The following SUMF1 variants were observed in gnomAD, a reference collection of about 807,000 sequenced individuals.
SUMF1 encodes the protein formylglycine-generating enzyme.
Under a neutral mutation model 47.6 loss-of-function variants are expected in SUMF1, and 48 were observed. The ratio of observed to expected loss-of-function variants is 1.01; its 90% CI spans 0.80 to 1.28. The LOEUF is 1.28. SUMF1 is among the 50% of genes most tolerant of loss of function. SUMF1 has a pLI of 0.00. For missense variants in SUMF1, 571 were observed against 485.4 expected (o/e 1.18, Z -1.66); for synonymous variants, 230 against 192.1 (o/e 1.20, Z -1.63).
intron 8 of SUMF1, among the ~76,000 whole-genome samples, chr3:4,288,571 T>C (rs1216439590): frequency 6.6e-6 from 1 of 152,088 alleles, no homozygotes; most frequent in African/African-American, 2.4e-5. Flanking sequence ...GCTACAAGGC[T>C]GGCAGATCAC....
chr3:4,409,254 T>C (rs1701467070), intron 7 of SUMF1, among the ~76,000 whole-genome samples: 1 of 152,142 alleles, frequency 6.6e-6, no homozygotes, highest in African/African-American at 2.4e-5. Flanking sequence ...TCTAAGGATT[T>C]GGGGTTTAGT....
At position 4,281,696 on chromosome 3, in the gene SUMF1, C is replaced by T. The variant is rs58486481; in HGVS notation, c.1014+94634G>A. On this transcript the variant is annotated intron_variant and NMD_transcript_variant, in intron 8 of 12. Coordinates refer to the SUMF1 transcript ENST00000448413. ...TTAAACAAACTTTTGGGGGAAAAAA[C>T]AGGGGGAAAGGAAAATAAATATATG... 2.4e-3 allele frequency among the ~76,000 whole-genome samples: 359 copies of T among 151,688 alleles called. 3 individuals are homozygous for T. Among genetic ancestry groups the T allele is most frequent in the African/African-American group, 7.9e-3 (327 of 41,350 alleles).
intron 9 of SUMF1, among the ~76,000 whole-genome samples, chr3:4,037,552 G>T (rs929145587): frequency 6.6e-6 from 1 of 152,102 alleles, no homozygotes; most frequent in Non-Finnish European, 1.5e-5. Flanking sequence ...GTCAACTCCT[G>T]TATCATTTTT....
At chr3:4,034,665 A>G (rs1175433731) in intron 9 of SUMF1, among the ~76,000 whole-genome samples, 1 of 152,062 alleles carries the variant, frequency 6.6e-6, no homozygotes, top group Non-Finnish European at 1.5e-5. Context: ...GGCATCAGCA[A>G]ATATTCCGTG....
Position 4,381,396 on chromosome 3 carries a change from C to T in SUMF1, c.955-5007G>A, listed in dbSNP as rs76011796. Among the ~76,000 whole-genome samples, 26 of 152,160 alleles carry T rather than the reference C, an allele frequency of 1.7e-4. 1 individual carries two copies. The highest frequency in any genetic ancestry group is 3.1e-4 in the African/African-American group (13 of 41,506). On this transcript the variant is annotated intron_variant, in intron 7 of 8. Transcript: ENST00000272902. ...CAAATCGGGTGCAGTGTGCACTGCT[C>T]GGGTGGGGGTGCACCAAAATCTCAC...
chr3:4,317,309 T>G (rs980650509), intron 8 of SUMF1: 3 of 1,066,586 alleles, frequency 2.8e-6, no homozygotes. Flanking sequence ...GCAGTTAGTT[T>G]TGCACCAACC....
At chr3:4,144,227 A>G (rs887305709) in intron 8 of SUMF1, among the ~76,000 whole-genome samples, 1 of 152,062 alleles carries the variant, frequency 6.6e-6, no homozygotes, top group Admixed American at 6.5e-5. Flanking sequence ...TCGGTCTCCA[A>G]AAGTGCTGGA....
At chr3:4,252,164 G>C (rs1696817004) in intron 8 of SUMF1, among the ~76,000 whole-genome samples, 1 of 152,128 alleles carries the variant, frequency 6.6e-6, no homozygotes, top group Non-Finnish European at 1.5e-5. Context: ...TGGTTTCTGA[G>C]AACAATTCTA....
chr3:4,081,944 GA>G (rs1692569234), intron 8 of SUMF1, among the ~76,000 whole-genome samples: 1 of 152,028 alleles, frequency 6.6e-6, no homozygotes, highest in African/African-American at 2.4e-5. Flanking sequence ...AACACATACT[GA>G]AAGCCTTAAC....
chr3:4,463,218 G>A (rs1406877301), intron 1 of SUMF1, among the ~76,000 whole-genome samples: 8 of 152,206 alleles, frequency 5.3e-5, no homozygotes, highest in South Asian at 2.1e-4. Flanking sequence ...AGGGCTGGGC[G>A]CGGTGGCTCA....
intron 8 of SUMF1, among the ~76,000 whole-genome samples, chr3:4,163,556 A>C (rs892749220): frequency 6.7e-6 from 1 of 150,232 alleles, no homozygotes; most frequent in South Asian, 2.1e-4. Context: ...TTGTACTGAC[A>C]TCCAGGATAC....
intron 8 of SUMF1, among the ~76,000 whole-genome samples, chr3:4,222,617 T>G (rs1307321454): frequency 6.6e-6 from 1 of 152,066 alleles, no homozygotes; most frequent in African/African-American, 2.4e-5. Context: ...CATCATCATC[T>G]CCTGACACCA....
At chr3:4,055,230 A>C (rs1695170689) in intron 9 of SUMF1, among the ~76,000 whole-genome samples, 1 of 152,192 alleles carries the variant, frequency 6.6e-6, no homozygotes, top group East Asian at 1.9e-4. Flanking sequence ...GAAAAATGTG[A>C]AAAGGAAAAA....
chr3:4,111,897 G>T (rs1158864217), intron 8 of SUMF1, among the ~76,000 whole-genome samples: 1 of 152,082 alleles, frequency 6.6e-6, no homozygotes, highest in Non-Finnish European at 1.5e-5. Context: ...ATTTACTTGA[G>T]AGAAATTCTG....
rs1050233670 is a variant in SUMF1, at chr3:4,153,983, C to G, written c.1015-85238G>C. Among the ~76,000 whole-genome samples, 6 of 151,632 alleles carry G rather than the reference C, an allele frequency of 4.0e-5. No homozygotes were observed. In the East Asian group the frequency reaches 1.2e-3, roughly 29 times the overall value. On this transcript the variant is annotated intron_variant and NMD_transcript_variant, in intron 8 of 12. Transcript: ENST00000448413. ...CAATTTGGACAACAATCCACCCATT[C>G]ATTCCTTCAACTTGCAAAGAGTCAG...
intron 8 of SUMF1, among the ~76,000 whole-genome samples, chr3:4,075,678 C>T (rs1429394485): frequency 2.0e-5 from 3 of 152,080 alleles, no homozygotes; most frequent in African/African-American, 4.8e-5. Context: ...AAATCACAGG[C>T]ATTCCTACAT....
rs562240430 is a variant in SUMF1 at position 4,213,402 on chromosome 3, C to A, written c.1015-144657G>T. On this transcript the variant is annotated intron_variant and NMD_transcript_variant, in intron 8 of 12. Coordinates refer to the SUMF1 transcript ENST00000448413. ...CCACCAGGCCTGCGTTACAAGAGCTCCTAAAGGAAGCACTAAACATGGAAA... is the reference window on the plus strand; with the variant it reads ...CCACCAGGCCTGCGTTACAAGAGCTACTAAAGGAAGCACTAAACATGGAAA... Among the ~76,000 whole-genome samples, 15 of 152,162 alleles carry A rather than the reference C, an allele frequency of 9.9e-5. No individual in the cohort carries two copies. The East Asian group carries it at 2.5e-3, about 25-fold the overall frequency.
chr3:4,255,170 G>C (rs1696920205), intron 8 of SUMF1, among the ~76,000 whole-genome samples: 1 of 144,456 alleles, frequency 6.9e-6, no homozygotes, highest in African/African-American at 2.5e-5. Context: ...ATGCCAAATT[G>C]TAAAGACCAT....
At chr3:4,301,254 G>A (rs1697957157) in intron 8 of SUMF1, among the ~76,000 whole-genome samples, 1 of 152,140 alleles carries the variant, frequency 6.6e-6, no homozygotes, top group Admixed American at 6.5e-5. Flanking sequence ...AGGCCCAGAG[G>A]CCCAAGTAGA....
Sources: allele counts gnomAD v4.1 joint callset (sites outside exome capture counted in the v4.1 genomes callset), GRCh38; gene constraint gnomAD v4.1.1; transcripts MANE v1.5; gene names NCBI Gene and HGNC (gene_info 2026-07-23, HGNC 2026-07-21).